DNMT1: variants seen among roughly 807,000 people sequenced by gnomAD.
The protein encoded by DNMT1 is DNA methyltransferase 1.
A neutral mutation model predicts 205.3 loss-of-function variants in DNMT1; 24 were observed. That is an observed-to-expected ratio of 0.12 (90% CI 0.08 to 0.16). DNMT1 has a LOEUF of 0.16. Among genes scored for constraint, DNMT1 ranks in the 10% least tolerant of loss-of-function variants. The pLI is 1.00. For synonymous variants in DNMT1, 817 were observed against 839.8 expected (o/e 0.97, Z 0.47); for missense variants, 1,293 against 2,177.7 (o/e 0.59, Z 8.09).
Position 10,151,626 on chromosome 19 carries a change from TC to T in DNMT1, c.2118-82del. 1 of 1,610,352 alleles carries T rather than the reference TC, an allele frequency of 6.2e-7. No individual in the cohort carries two copies. The highest frequency in any genetic ancestry group is 2.2e-5 in the East Asian group (1 of 44,880). ...CTGTTTTCTTCATAACAGGGACAGG[TC>T]CTGAGACAATGCCTAACGAAGGAAT... is the stretch of plus-strand genomic sequence containing the variant. On this transcript the variant is annotated intron_variant, in intron 23 of 40. Coordinates refer to ENST00000359526, the MANE Select transcript of DNMT1 (RefSeq NM_001130823.3). This position sits in a 1 kb window ranked among gnomAD's most constrained non-coding sequence, Gnocchi z 5.0.
Position 10,138,679 on chromosome 19 carries a change from G to A in DNMT1, c.3949-74C>T. 2 of 1,542,416 alleles carry A rather than the reference G, an allele frequency of 1.3e-6. No homozygotes were observed. The highest frequency in any genetic ancestry group is 8.7e-7 in the Non-Finnish European group (1 of 1,148,798). On this transcript the variant is annotated intron_variant, in intron 34 of 40. Transcript: ENST00000359526. This position sits in a 1 kb window ranked among gnomAD's most constrained non-coding sequence, Gnocchi z 4.1. ...ACTGGACTGGCCAGACCCAGGCCCAGGGTCAGCAGCCTGAGTCGGGAGTGG... is the reference window on the plus strand; with the variant it reads ...ACTGGACTGGCCAGACCCAGGCCCAAGGTCAGCAGCCTGAGTCGGGAGTGG...
intron 29 of DNMT1, 118 bp downstream of exon 29, chr19:10,143,648 A>C (rs746052377): frequency 8.6e-7 from 1 of 1,163,604 alleles, no homozygotes; most frequent in Non-Finnish European, 1.3e-6. Context: ...CACTTGGAAA[A>C]ACAGCTACTT....
intron 37 of DNMT1, among the ~76,000 whole-genome samples, chr19:10,136,585 G>C (rs1428785350): frequency 1.3e-5 from 2 of 151,824 alleles, no homozygotes. Flanking sequence ...ATAGGCGTGC[G>C]ACACCACGCC....
Position 10,163,444 on chromosome 19 carries a change from C to T in DNMT1, c.892-84G>A, listed in dbSNP as rs62106244. The stretch of plus-strand genomic sequence containing the variant: ...GCCAGAGTGAGATAAAATGCAAACA[C>T]TGAAGTTACAGGTTAGGGATCCCAG... On this transcript the variant is annotated intron_variant, in intron 11 of 40. Coordinates refer to ENST00000359526, the MANE Select transcript of DNMT1 (RefSeq NM_001130823.3). 0.039 allele frequency: 56,322 copies of T among 1,427,718 alleles called. 1,405 individuals are homozygous for T. The highest frequency in any genetic ancestry group is 0.045 in the Non-Finnish European group (45,906 of 1,013,198). 88.4% of individuals were successfully genotyped at this position (1,427,718 alleles called of 1,614,324 possible).
chr19:10,149,381 CA>C, intron 26 of DNMT1, 71 bp downstream of exon 26: 1 of 1,431,240 alleles, frequency 7.0e-7, no homozygotes, highest in South Asian at 1.2e-5. Context: ...CAAATCAAAA[CA>C]AAACAGAACG....
intron 1 of DNMT1, among the ~76,000 whole-genome samples, chr19:10,192,007 A>G (rs1050507916): frequency 2.0e-5 from 3 of 151,974 alleles, no homozygotes; most frequent in Admixed American, 2.0e-4. Flanking sequence ...TATTTTTAGT[A>G]GAGATGGGGT....
chr19:10,178,278 C>T (rs978503495), intron 5 of DNMT1, among the ~76,000 whole-genome samples: 16 of 151,618 alleles, frequency 1.1e-4, no homozygotes, highest in African/African-American at 3.6e-4. Context: ...AATAAAGGGC[C>T]AGGTGAGGTG....
Position 10,135,856 on chromosome 19 carries a change from G to T in DNMT1, c.4657-4C>A. ...GCTCTGGGTGGAGCACGCGGCCCTG[G>T]GGGAAAGAGGCGCGGTGGGCGAGGG... On this transcript the variant is annotated splice_region_variant and splice_polypyrimidine_tract_variant and intron_variant, in intron 38 of 40. Transcript: ENST00000359526. 6.5e-7 allele frequency: 1 copy of T among 1,548,198 alleles called. No individual in the cohort carries two copies. The highest frequency in any genetic ancestry group is 8.7e-7 in the Non-Finnish European group (1 of 1,149,558).
In DNMT1 at chr19:10,159,842, C is replaced by G. The variant is rs564055335; in HGVS notation, c.1170G>C (p.Ala390=). Residue 390 remains alanine (A), a splice_region_variant and synonymous_variant, in exon 16 of 41, where the codon GCG becomes GCC. Transcript: ENST00000359526. This position sits in a 1 kb window ranked among gnomAD's most constrained non-coding sequence, Gnocchi z 5.0. ...AGGCTGGGAAGAGAGCTGTACGTAC[C>G]GCGTCTGGTGGGTGCTGCCCATATT... ...DLKYGQHPPD[A]VDEPQMLTNE... 7 of 1,614,062 alleles carry G rather than the reference C, an allele frequency of 4.3e-6. No individual in the cohort carries two copies. In the South Asian group the frequency reaches 4.4e-5, roughly 10 times the overall value.
At position 10,140,535 on chromosome 19, in the gene DNMT1, AATTTTTGTATTCTT is replaced by A. The variant is rs1299865773; in HGVS notation, c.3524-221_3524-208del. On this transcript the variant is annotated intron_variant, in intron 32 of 40. Transcript: ENST00000359526. This position sits in a 1 kb window ranked among gnomAD's most constrained non-coding sequence, Gnocchi z 8.4. ...CAGGCACACACCACCACGCCCAGCT[AATTTTTGTATTCTT>A]ATTAGAGACGGGGTTTCACCATGTT... 1.1e-5 allele frequency: 10 copies of A among 905,096 alleles called. No individual in the cohort carries two copies. In the East Asian group the frequency reaches 2.7e-4, roughly 24 times the overall value. 56.1% of individuals were successfully genotyped at this position (905,096 alleles called of 1,614,324 possible).
Position 10,137,160 on chromosome 19 carries a change from G to A in DNMT1, c.4414C>T (p.Arg1472Trp), listed in dbSNP as rs2089501636. 1.9e-6 allele frequency: 3 copies of A among 1,609,724 alleles called. No homozygotes were observed. The highest frequency in any genetic ancestry group is 2.2e-5 in the East Asian group (1 of 44,776). ...TTCTTCCTGTCATGGTGGGTATACC[G>A]CAGCTTCCTGGCCATGGTGCCGTCT... ...LSDGTMARKL[R>W]YTHHDRKNGR... is the part of the protein sequence containing the mutation. The change falls in exon 37 of 41, where the codon CGG becomes TGG. Residue 1472 changes from arginine (R) to tryptophan (W), a missense_variant. Coordinates refer to ENST00000359526, the MANE Select transcript of DNMT1 (RefSeq NM_001130823.3). The surrounding 1 kb of genome is among the most constrained non-coding windows in gnomAD (Gnocchi z 6.4).
intron 30 of DNMT1, chr19:10,141,691 A>T: frequency 2.8e-6 from 1 of 352,668 alleles, no homozygotes; most frequent in Non-Finnish European, 5.3e-6. Context: ...TCTCCAACTC[A>T]TACTAAGACA....
chr19:10,180,231 G>T lies in DNMT1; in HGVS notation c.449C>A (p.Ser150Ter). 1 of 1,259,546 alleles carries T rather than the reference G, an allele frequency of 7.9e-7. No individual in the cohort carries two copies. Among genetic ancestry groups the T allele is most frequent in the Non-Finnish European group, 1.1e-6 (1 of 892,042 alleles). 78.0% of individuals were successfully genotyped at this position (1,259,546 alleles called of 1,614,324 possible). A position where few individuals can be genotyped will look rare whatever the true frequency, so the allele number is the denominator to read the frequency against. The part of the protein sequence containing the change: ...RSKSDGEAKR[S>*]RDPPASASQV... ...GGAGGCTGAGGCAGGAGGGTCTCTT[G>T]AACCTGGGAGGCAGAGGTTACAGTG... The change falls in exon 5 of 41, where the codon TCA becomes TAA. Residue 150 changes from serine (S) to a stop codon, truncating the protein, a stop_gained. Coordinates refer to ENST00000359526, the MANE Select transcript of DNMT1 (RefSeq NM_001130823.3). LOFTEE classifies it high-confidence loss of function.
intron 28 of DNMT1, chr19:10,144,399 C>G (rs1213912745): frequency 4.3e-6 from 1 of 233,244 alleles, no homozygotes; most frequent in Non-Finnish European, 8.6e-6. Flanking sequence ...CAGAGCAAGA[C>G]TCCATCTCAC....
In DNMT1 at chr19:10,156,556, G is replaced by T; in HGVS notation, c.1281-47C>A. 2 of 1,427,030 alleles carry T rather than the reference G, an allele frequency of 1.4e-6. No homozygotes were observed. The highest frequency in any genetic ancestry group is 1.1e-5 in the South Asian group (1 of 87,380). The allele number at this position is 1,427,030 out of a possible 1,614,324, so 88.4% of individuals were successfully genotyped here. ...TGCTTACCAGCTAAGCCGTGAAGGC[G>T]GGTCTTCGTGCAGACTTCAGATCAG... is the stretch of plus-strand genomic sequence containing the variant. On this transcript the variant is annotated intron_variant, in intron 17 of 40. Transcript: ENST00000359526. This position sits in a 1 kb window ranked among gnomAD's most constrained non-coding sequence, Gnocchi z 4.2.
Position 10,180,549 on chromosome 19 carries a change from G to T in DNMT1, c.246C>A (p.Val82=). Residue 82 remains valine, a synonymous_variant, in exon 4 of 41, where the codon GTC becomes GTA. Transcript: ENST00000359526. ...ACAAATCTTTATTTAAAAGGGATTTGACTTTAGCCAGGTAGCCCTCCTACA... is the reference window on the plus strand; with the variant it reads ...ACAAATCTTTATTTAAAAGGGATTTTACTTTAGCCAGGTAGCCCTCCTACA... ...ELSEEGYLAK[V]KSLLNKDLSL... The T allele has an allele frequency of 6.2e-7, 1 of 1,614,110 alleles. No individual in the cohort carries two copies. Among genetic ancestry groups the T allele is most frequent in the Non-Finnish European group, 8.5e-7 (1 of 1,180,024 alleles).
chr19:10,149,689 T>C, intron 25 of DNMT1, 32 bp from the exon 26 acceptor site: 1 of 1,612,252 alleles, frequency 6.2e-7, no homozygotes, highest in Non-Finnish European at 8.5e-7. Context: ...GGGGAGAAAG[T>C]TCTGACTTGG....
chr19:10,160,216 C>T (rs2038540225), intron 14 of DNMT1, 153 bp from the exon 15 acceptor site: 3 of 1,514,060 alleles, frequency 2.0e-6, no homozygotes, highest in Non-Finnish European at 2.7e-6. Context: ...AGTGGCTCTT[C>T]ACCGCAGGGG....
Position 10,154,221 on chromosome 19 carries a change from T to A in DNMT1, c.2019+72A>T. 1 of 1,475,756 alleles carries A rather than the reference T, an allele frequency of 6.8e-7. No individual in the cohort carries two copies. Among genetic ancestry groups the A allele is most frequent in the African/African-American group, 1.4e-5 (1 of 72,184 alleles). The allele number at this position is 1,475,756 out of a possible 1,614,324, so 91.4% of individuals were successfully genotyped here. A position where few individuals can be genotyped will look rare whatever the true frequency, so the allele number is the denominator to read the frequency against. On this transcript the variant is annotated intron_variant, in intron 22 of 40. Transcript: ENST00000359526. This position sits in a 1 kb window ranked among gnomAD's most constrained non-coding sequence, Gnocchi z 6.3. ...GAGTCTCAAGCCACAGAGAGAAAGA[T>A]GGAGCAGTCCTCAGATCAGGCCAGA...
Sources: allele counts gnomAD v4.1 joint callset (sites outside exome capture counted in the v4.1 genomes callset), GRCh38; gene constraint gnomAD v4.1.1; non-coding constraint Gnocchi (gnomAD v3.1); transcripts MANE v1.5; gene names NCBI Gene and HGNC (gene_info 2026-07-23, HGNC 2026-07-21).